Variants in PTCHD4 observed in about 807,000 individuals in gnomAD.
PTCHD4 encodes patched domain containing 4.
A neutral mutation model predicts 58.1 loss-of-function variants in PTCHD4; 33 were observed. The ratio of observed to expected loss-of-function variants is 0.57; its 90% confidence interval spans 0.43 to 0.76. PTCHD4 has a LOEUF of 0.76. Among genes scored for constraint, PTCHD4 ranks in the 30% least tolerant of loss-of-function variants. The pLI is 0.00. For synonymous variants in PTCHD4, 478 were observed against 409.6 expected, an observed-to-expected ratio of 1.17 and a Z score of -2.02; for missense variants, 1,058 against 1,027.1, an observed-to-expected ratio of 1.03 and a Z score of -0.41.
intron 1 of PTCHD4, among the ~76,000 whole-genome samples, chr6:48,102,547 C>T (rs560399405): frequency 2.1e-4 from 32 of 152,278 alleles, no homozygotes; most frequent in Admixed American, 3.3e-4. Context: ...ATGCAGAAGA[C>T]GGGTGATTTC....
intron 4 of PTCHD4, among the ~76,000 whole-genome samples, chr6:47,919,053 G>C (rs1765348718): frequency 6.6e-6 from 1 of 152,106 alleles, no homozygotes; most frequent in Non-Finnish European, 1.5e-5. Context: ...GCTCTGTGAA[G>C]ACAGTATAAC....
chr6:47,974,815 G>C (rs1027326116), intron 4 of PTCHD4, among the ~76,000 whole-genome samples: 5 of 152,188 alleles, frequency 3.3e-5, no homozygotes, highest in African/African-American at 1.2e-4. Flanking sequence ...TGGCAAGCAA[G>C]GAAGTTGGAC....
At chr6:48,060,811 C>A (rs568108730) in intron 3 of PTCHD4, among the ~76,000 whole-genome samples, 37 of 152,252 alleles carry the variant, frequency 2.4e-4, no homozygotes, top group African/African-American at 8.7e-4. Flanking sequence ...TTAGAAGATC[C>A]CAGGTGAGGT....
At chr6:48,072,232 A>C (rs550855393) in intron 1 of PTCHD4, among the ~76,000 whole-genome samples, 2 of 151,662 alleles carry the variant, frequency 1.3e-5, no homozygotes, top group African/African-American at 4.8e-5. Flanking sequence ...ATATTTGTCT[A>C]TTTTCTCTAT....
At chr6:47,970,907 C>T (rs976368719) in intron 4 of PTCHD4, among the ~76,000 whole-genome samples, 4 of 152,116 alleles carry the variant, frequency 2.6e-5, no homozygotes, top group African/African-American at 9.7e-5. Context: ...AACAAGACAT[C>T]CAAGTGATTC....
intron 4 of PTCHD4, chr6:47,900,741 T>C (rs1026872137): frequency 1.3e-5 from 2 of 152,270 alleles, no homozygotes; most frequent in Non-Finnish European, 2.9e-5. Flanking sequence ...GTTGTTAGAG[T>C]TTGTCAAATG....
At chr6:47,971,187 A>G (rs1767491442) in intron 4 of PTCHD4, among the ~76,000 whole-genome samples, 2 of 152,190 alleles carry the variant, frequency 1.3e-5, no homozygotes, top group African/African-American at 4.8e-5. Flanking sequence ...TGACATTGAA[A>G]AGAACAGAAA....
chr6:48,080,026 G>C (rs1459134537), intron 1 of PTCHD4, among the ~76,000 whole-genome samples: 1 of 131,790 alleles, frequency 7.6e-6, no homozygotes, highest in East Asian at 2.3e-4. Flanking sequence ...TAGAAATTGA[G>C]AGGAAAGAAA....
At position 47,858,817 on chromosome 6, in the gene PTCHD4, A is replaced by G. The variant is rs1763356406; in HGVS notation, c.*19486T>C. On this transcript the variant is annotated 3_prime_UTR_variant, in exon 5 of 5. Coordinates refer to ENST00000339488, the MANE Select transcript of PTCHD4 (RefSeq NM_001384253.1). The stretch of plus-strand genomic sequence containing the variant: ...TTTCTATCAGAAAGGAAAACAATAC[A>G]GCAAATGTCACATTTGTACAGAATA... Among the ~76,000 whole-genome samples, 1 of 152,098 alleles carries G rather than the reference A, an allele frequency of 6.6e-6. No homozygotes were observed. Among genetic ancestry groups the G allele is most frequent in the African/African-American group, 2.4e-5 (1 of 41,452 alleles).
intron 3 of PTCHD4, among the ~76,000 whole-genome samples, chr6:48,031,141 C>A (rs567300628): frequency 6.6e-6 from 1 of 152,084 alleles, no homozygotes; most frequent in Non-Finnish European, 1.5e-5. Context: ...GACCCTTACC[C>A]CTACCCCTCC....
In PTCHD4 at chr6:48,062,276, G is replaced by A. The variant is rs963107410; in HGVS notation, c.417+5954C>T. ...TGGAAAGAAGTATGGTATTTTTGGC[G>A]GGGTGGGGATGATCTTGGTCTCCTT... On this transcript the variant is annotated intron_variant, in intron 3 of 4. Coordinates refer to ENST00000339488, the MANE Select transcript of PTCHD4 (RefSeq NM_001384253.1). Among the ~76,000 whole-genome samples, 24 of 152,058 alleles carry A rather than the reference G, an allele frequency of 1.6e-4. 1 individual carries two copies. Among genetic ancestry groups the A allele is most frequent in the Admixed American group, 1.1e-3 (17 of 15,266 alleles).
chr6:48,080,020 A>G (rs2113892706), intron 1 of PTCHD4, among the ~76,000 whole-genome samples: 1 of 138,562 alleles, frequency 7.2e-6, no homozygotes, highest in African/African-American at 2.7e-5. Context: ...CTGATGTAGA[A>G]ATTGAGAGGA....
Position 48,068,726 on chromosome 6 carries a change from A to C in PTCHD4, c.6-85T>G, listed in dbSNP as rs1446441110. 8.6e-6 allele frequency: 10 copies of C among 1,156,696 alleles called. No individual in the cohort carries two copies. In the African/African-American group the frequency reaches 1.1e-4, roughly 12 times the overall value. 71.7% of individuals were successfully genotyped at this position (1,156,696 alleles called of 1,614,324 possible). A position where few individuals can be genotyped will look rare whatever the true frequency, so the allele number is the denominator to read the frequency against. On this transcript the variant is annotated intron_variant, in intron 2 of 4. Coordinates refer to ENST00000339488, the MANE Select transcript of PTCHD4 (RefSeq NM_001384253.1). The surrounding 1 kb of genome is among the most constrained non-coding windows in gnomAD (Gnocchi z 4.2). ...CCCCTGGGGCCAGTCCCCCCTCCCC[A>C]CCGCCGCCGCCTCCCCACCCACTCC...
rs751460403 is a variant in PTCHD4 at position 47,878,899 on chromosome 6, A to G, written c.1936T>C (p.Phe646Leu). The change falls in exon 5 of 5, where the codon TTC (phenylalanine) becomes CTC (leucine). Residue 646 changes from phenylalanine to leucine, a missense_variant. Phe to Leu is a conservative substitution (Grantham distance 22). Transcript: ENST00000339488. ...RFIVFNPSFV[F>L]MDHYSLSVTV... ...ACAGACAAGCTGTAATGGTCCATGA[A>G]GACAAAGGAGGGGTTGAACACGATG... 2 of 1,613,610 alleles carry G rather than the reference A, an allele frequency of 1.2e-6. No homozygotes were observed. Among genetic ancestry groups the G allele is most frequent in the Admixed American group, 3.3e-5 (2 of 59,980 alleles).
rs555851501 is a variant in PTCHD4, at chr6:47,990,539, T to C, written c.898+18095A>G. On this transcript the variant is annotated intron_variant, in intron 4 of 4. Transcript: ENST00000339488. ...ACTGAATAAGTCTCATGAGATCTGA[T>C]GGTTTTATCAGGGGTTTCTGCTTTT... Among the ~76,000 whole-genome samples, 386 of 152,292 alleles carry C rather than the reference T, an allele frequency of 2.5e-3. 1 individual carries two copies. Among genetic ancestry groups the C allele is most frequent in the African/African-American group, 8.6e-3 (358 of 41,562 alleles).
At chr6:48,100,631 A>C (rs1424391596) in intron 1 of PTCHD4, among the ~76,000 whole-genome samples, 10 of 152,310 alleles carry the variant, frequency 6.6e-5, no homozygotes, top group Non-Finnish European at 1.5e-4. Context: ...GAAGCCTGAG[A>C]AAATGATGAC....
At position 48,099,456 on chromosome 6, in the gene PTCHD4, A is replaced by T. The variant is rs558821463; in HGVS notation, c.-970+11593T>A. ...CAGGATATTAATTCCACAGGATAAC[A>T]GCAACATGAGAGACGCAGATGAGAG... is the stretch of plus-strand genomic sequence containing the variant. On this transcript the variant is annotated intron_variant, in intron 1 of 4. Transcript: ENST00000339488. Among the ~76,000 whole-genome samples the T allele has an allele frequency of 2.4e-4, 37 of 152,328 alleles. No individual in the cohort carries two copies. The South Asian group carries it at 7.3e-3, about 30-fold the overall frequency.
intron 3 of PTCHD4, among the ~76,000 whole-genome samples, chr6:48,051,920 A>G (rs751404446): frequency 2.6e-5 from 4 of 152,016 alleles, no homozygotes; most frequent in Admixed American, 1.3e-4. Context: ...ATTTTGGACT[A>G]ACTTTTAAGA....
chr6:47,892,446 CT>C (rs1320895841), intron 4 of PTCHD4, among the ~76,000 whole-genome samples: 2 of 152,140 alleles, frequency 1.3e-5, no homozygotes, highest in Admixed American at 1.3e-4. Context: ...AATGTCATCA[CT>C]TTAAAGTTTA....
Sources: gnomAD v4.1 joint callset for allele counts (sites outside exome capture counted in the v4.1 genomes callset) on GRCh38, gnomAD v4.1.1 for gene constraint, Gnocchi (gnomAD v3.1) non-coding constraint, MANE v1.5 for transcripts, NCBI Gene and HGNC (gene_info 2026-07-23, HGNC 2026-07-21) for gene names.